Variants in SSBP2 observed in about 807,000 individuals in gnomAD.
The protein encoded by SSBP2 is single-stranded DNA-binding protein 2.
SSBP2 carries 17 observed loss-of-function variants against 61.8 expected under a neutral mutation model. That is an observed-to-expected ratio of 0.28 (90% CI 0.19 to 0.41). The LOEUF (loss-of-function observed/expected upper bound fraction) is 0.41. Ranked by LOEUF, SSBP2 falls within the 10% of genes least tolerant of loss-of-function variation. The pLI is 1.00. For missense variants in SSBP2, 310 were observed against 458.7 expected (o/e 0.68, Z 2.96); for synonymous variants, 139 against 141.3 (o/e 0.98, Z 0.12).
intron 15 of SSBP2, among the ~76,000 whole-genome samples, chr5:81,432,972 G>A (rs1457906369): frequency 1.9e-4 from 25 of 133,532 alleles, no homozygotes; most frequent in Middle Eastern, 3.9e-3. Flanking sequence ...CGCCCCGTCC[G>A]GGAGGGAGGT....
At chr5:81,722,266 T>G (rs1755586065) in intron 1 of SSBP2, among the ~76,000 whole-genome samples, 1 of 152,042 alleles carries the variant, frequency 6.6e-6, no homozygotes, top group Non-Finnish European at 1.5e-5. Flanking sequence ...GATGAAAGCC[T>G]TGTCAAAAAT....
At chr5:81,588,018 G>A (rs1472991476) in intron 4 of SSBP2, among the ~76,000 whole-genome samples, 1 of 152,128 alleles carries the variant, frequency 6.6e-6, no homozygotes, top group Non-Finnish European at 1.5e-5. Context: ...AGGCTGGAGT[G>A]CAGTGGCACA....
At chr5:81,427,961 C>A (rs1192515695) in intron 16 of SSBP2, among the ~76,000 whole-genome samples, 1 of 152,166 alleles carries the variant, frequency 6.6e-6, no homozygotes, top group Non-Finnish European at 1.5e-5. Context: ...TGAGAAAAGG[C>A]ACCATTTTGT....
chr5:81,702,557 A>T (rs543855537), intron 1 of SSBP2, among the ~76,000 whole-genome samples: 6 of 152,342 alleles, frequency 3.9e-5, no homozygotes, highest in African/African-American at 1.4e-4. Flanking sequence ...CAATGCCATA[A>T]GTTCTGAAAA....
At chr5:81,528,562 ATTCATT>A (rs1298886659) in intron 4 of SSBP2, among the ~76,000 whole-genome samples, 2 of 152,052 alleles carry the variant, frequency 1.3e-5, no homozygotes, top group African/African-American at 4.8e-5. Flanking sequence ...TGCCCACATA[ATTCATT>A]TTCAAGATCA....
At chr5:81,595,505 T>C (rs964453591) in intron 4 of SSBP2, among the ~76,000 whole-genome samples, 3 of 152,182 alleles carry the variant, frequency 2.0e-5, no homozygotes, top group African/African-American at 7.2e-5. Flanking sequence ...GCCAGCATCA[T>C]CCTGATACCA....
At chr5:81,701,446 G>C (rs1753978434) in intron 1 of SSBP2, among the ~76,000 whole-genome samples, 1 of 152,156 alleles carries the variant, frequency 6.6e-6, no homozygotes, top group Admixed American at 6.5e-5. Context: ...GTGAGCCCAT[G>C]TCCTTGGTAA....
At position 81,414,537 on chromosome 5, in the gene SSBP2, T is replaced by C. The variant is rs575600472; in HGVS notation, c.*5967A>G. ...TCATGGGTAAAGCTAACTTTTTTTG[T>C]GTGAAATAAGTTAATAATGCCAATT... On this transcript the variant is annotated 3_prime_UTR_variant, in exon 17 of 17. Transcript: ENST00000320672. The C allele has an allele frequency of 1.3e-5, 2 of 152,332 alleles. No homozygotes were observed. The highest frequency in any genetic ancestry group is 4.1e-4 in the South Asian group (2 of 4,822). The allele number at this position is 152,332 out of a possible 1,614,324, so 9.4% of individuals were successfully genotyped here.
intron 2 of SSBP2, among the ~76,000 whole-genome samples, chr5:81,646,714 T>C (rs1375099947): frequency 4.0e-5 from 4 of 100,334 alleles, no homozygotes; most frequent in Admixed American, 1.9e-4. Context: ...TTTTTTTTTT[T>C]ACTTTAAAAC....
intron 4 of SSBP2, among the ~76,000 whole-genome samples, chr5:81,544,266 CT>C (rs1467416622): frequency 1.3e-5 from 2 of 152,140 alleles, no homozygotes; most frequent in Non-Finnish European, 2.9e-5. Context: ...CCAGGCTGGT[CT>C]TCAACTCCTG....
At chr5:81,461,593 A>T (rs558150567) in intron 9 of SSBP2, among the ~76,000 whole-genome samples, 1 of 73,126 alleles carries the variant, frequency 1.4e-5, no homozygotes, top group East Asian at 2.3e-4. Context: ...GTTGCCTTTT[A>T]AAAAAAAACC....
In SSBP2 at chr5:81,414,742, G is replaced by C. The variant is rs979899999; in HGVS notation, c.*5762C>G. The C allele has an allele frequency of 3.3e-5, 5 of 152,194 alleles. No individual in the cohort carries two copies. In the South Asian group the frequency reaches 1.0e-3, roughly 32 times the overall value. The allele number at this position is 152,194 out of a possible 1,614,324, so 9.4% of individuals were successfully genotyped here. ...ATGGGTGTGCTAAACCTACGCACAG[G>C]AGACTCCATCTGCGTATGTCTTGTA... is the stretch of plus-strand genomic sequence containing the variant. On this transcript the variant is annotated 3_prime_UTR_variant, in exon 17 of 17. Coordinates refer to ENST00000320672, the MANE Select transcript of SSBP2 (RefSeq NM_012446.5).
chr5:81,589,018 C>G (rs146283404), intron 4 of SSBP2, among the ~76,000 whole-genome samples: 2,315 of 152,258 alleles, frequency 0.015, 30 homozygotes, highest in Middle Eastern at 0.024. Flanking sequence ...TGAGCTGTGA[C>G]TGTGCCACTG....
At chr5:81,480,839 G>A (rs997311424) in intron 6 of SSBP2, among the ~76,000 whole-genome samples, 1 of 152,202 alleles carries the variant, frequency 6.6e-6, no homozygotes. Context: ...TGGAGGCAAT[G>A]CTCTCAAACC....
At chr5:81,735,297 T>C (rs6866695) in intron 1 of SSBP2, among the ~76,000 whole-genome samples, 11,746 of 152,236 alleles carry the variant, frequency 0.077, 1,498 homozygotes, top group African/African-American at 0.27. Context: ...CTATTAGTAA[T>C]ATATAACATA....
intron 1 of SSBP2, among the ~76,000 whole-genome samples, chr5:81,660,963 C>T (rs916661904): frequency 2.7e-5 from 4 of 150,178 alleles, no homozygotes; most frequent in African/African-American, 9.8e-5. Flanking sequence ...ACAATGAGAA[C>T]ACATGGACAC....
chr5:81,720,062 G>C (rs1186745045), intron 1 of SSBP2, among the ~76,000 whole-genome samples: 3 of 152,088 alleles, frequency 2.0e-5, no homozygotes, highest in African/African-American at 7.2e-5. Flanking sequence ...CTGCCCGCAA[G>C]CCAGCAAGGC....
chr5:81,535,536 C>T (rs963070305), intron 4 of SSBP2, among the ~76,000 whole-genome samples: 17 of 151,724 alleles, frequency 1.1e-4, no homozygotes, highest in African/African-American at 2.2e-4. Flanking sequence ...CAAGATAATA[C>T]GGTATTGGAA....
At chr5:81,582,170 G>C (rs1209852384) in intron 4 of SSBP2, among the ~76,000 whole-genome samples, 1 of 151,986 alleles carries the variant, frequency 6.6e-6, no homozygotes, top group African/African-American at 2.4e-5. Context: ...CTTTGTTTGG[G>C]GTTGACATCT....
Sources: gnomAD v4.1 joint callset for allele counts (sites outside exome capture counted in the v4.1 genomes callset) on GRCh38, gnomAD v4.1.1 for gene constraint, MANE v1.5 for transcripts, NCBI Gene and HGNC (gene_info 2026-07-23, HGNC 2026-07-21) for gene names.